UBE2K: variants seen among roughly 807,000 people sequenced by gnomAD.
UBE2K encodes the protein ubiquitin conjugating enzyme E2 K.
UBE2K carries 6 observed loss-of-function variants against 30.0 expected under a neutral mutation model. The observed-to-expected ratio is 0.20, with a 90% confidence interval of 0.11 to 0.39. The LOEUF is 0.39. Ranked by LOEUF, UBE2K falls within the 10% of genes least tolerant of loss-of-function variation. The probability of loss-of-function intolerance (pLI) is 1.00; values close to 1 mark genes in which losing one functional copy is unlikely to be tolerated. For missense variants in UBE2K, 61 were observed against 241.6 expected (o/e 0.25, Z 4.96); for synonymous variants, 86 against 83.7 (o/e 1.03, Z -0.15).
chr4:39,774,082 A>G (rs1210865926), intron 4 of UBE2K, among the ~76,000 whole-genome samples: 1 of 152,008 alleles, frequency 6.6e-6, no homozygotes, highest in Admixed American at 6.5e-5. Flanking sequence ...GGATCACCTG[A>G]GCTCAGAAGT....
At chr4:39,736,422 A>T (rs917625267) in intron 1 of UBE2K, among the ~76,000 whole-genome samples, 1 of 152,212 alleles carries the variant, frequency 6.6e-6, no homozygotes, top group Admixed American at 6.5e-5. Context: ...AGATCGTGCC[A>T]TCGCACTCCA....
intron 1 of UBE2K, among the ~76,000 whole-genome samples, chr4:39,727,935 G>T (rs1231112141): frequency 6.6e-6 from 1 of 151,962 alleles, no homozygotes; most frequent in African/African-American, 2.4e-5. Context: ...TTCGAGACCA[G>T]CCTGGCCAAT....
At chr4:39,764,842 TAGAC>T (rs770952605) in intron 4 of UBE2K, among the ~76,000 whole-genome samples, 8 of 151,996 alleles carry the variant, frequency 5.3e-5, no homozygotes, top group South Asian at 2.1e-4. Flanking sequence ...ATAGAGGAAA[TAGAC>T]AGTATTTATA....
chr4:39,733,051 GAA>G (rs59978380), intron 1 of UBE2K, among the ~76,000 whole-genome samples: 60,852 of 97,008 alleles, frequency 0.63, 17,931 homozygotes, highest in East Asian at 0.78. Flanking sequence ...GGAACATCAG[GAA>G]AAAAAAAAAA....
At chr4:39,766,575 C>T (rs1048401162) in intron 4 of UBE2K, among the ~76,000 whole-genome samples, 1 of 151,650 alleles carries the variant, frequency 6.6e-6, no homozygotes, top group Non-Finnish European at 1.5e-5. Flanking sequence ...TCCTGCAACA[C>T]AGAAGTTTTT....
rs1713513690 is a variant in UBE2K, at chr4:39,779,912, T to G, written c.*1478T>G. ...TAATCGTTAAATGTTTGGAAGATAATTTTTGAATCATAACGTCAGCATAAC... is the reference window on the plus strand; with the variant it reads ...TAATCGTTAAATGTTTGGAAGATAAGTTTTGAATCATAACGTCAGCATAAC... On this transcript the variant is annotated 3_prime_UTR_variant, in exon 7 of 7. Coordinates refer to ENST00000261427, the MANE Select transcript of UBE2K (RefSeq NM_005339.5). The G allele has an allele frequency of 6.6e-6, 1 of 152,314 alleles. No individual in the cohort carries two copies. Among genetic ancestry groups the G allele is most frequent in the Admixed American group, 6.5e-5 (1 of 15,298 alleles). 9.4% of individuals were successfully genotyped at this position (152,314 alleles called of 1,614,324 possible).
At chr4:39,730,870 C>T (rs1482587850) in intron 1 of UBE2K, among the ~76,000 whole-genome samples, 1 of 136,302 alleles carries the variant, frequency 7.3e-6, no homozygotes, top group African/African-American at 2.8e-5. Flanking sequence ...AGTGCAGTGG[C>T]GTGATCTCTG....
chr4:39,768,582 A>G (rs1184944998), intron 4 of UBE2K, among the ~76,000 whole-genome samples: 1 of 152,130 alleles, frequency 6.6e-6, no homozygotes, highest in African/African-American at 2.4e-5. Context: ...AGGTTTCACC[A>G]TCTTGCCCAG....
At chr4:39,773,065 C>T (rs1272549793) in intron 4 of UBE2K, among the ~76,000 whole-genome samples, 1 of 152,074 alleles carries the variant, frequency 6.6e-6, no homozygotes, top group Non-Finnish European at 1.5e-5. Flanking sequence ...CAAATATTAG[C>T]TTTATAAAGA....
rs1189444955 is a variant in UBE2K at position 39,745,906 on chromosome 4, A to T, written c.216+96A>T. 4.4e-6 allele frequency: 4 copies of T among 900,016 alleles called. No homozygotes were observed. The East Asian group carries it at 1.2e-4, about 27-fold the overall frequency. The allele number at this position is 900,016 out of a possible 1,614,324, so 55.8% of individuals were successfully genotyped here. On this transcript the variant is annotated intron_variant, in intron 3 of 6. Coordinates refer to ENST00000261427, the MANE Select transcript of UBE2K (RefSeq NM_005339.5). Reference sequence around the variant, plus strand: ...ATATTTTAGGGCTTATTAAAGTCACAGCTTTATGAATTGCTTACTGTGTAA... The same window carrying T: ...ATATTTTAGGGCTTATTAAAGTCACTGCTTTATGAATTGCTTACTGTGTAA...
chr4:39,770,808 T>C (rs1243118295), intron 4 of UBE2K: 2 of 1,555,836 alleles, frequency 1.3e-6, no homozygotes, highest in African/African-American at 1.4e-5. Flanking sequence ...CGACTCCACC[T>C]TGACGATGCA....
At chr4:39,765,934 T>TACATACATACATACAC (rs1712298122) in intron 4 of UBE2K, among the ~76,000 whole-genome samples, 2 of 151,776 alleles carry the variant, frequency 1.3e-5, no homozygotes, top group African/African-American at 4.8e-5. Context: ...CATACATACA[T>TACATACATACATACAC]ACATACACAC....
chr4:39,742,820 C>T (rs1468345323), intron 2 of UBE2K, among the ~76,000 whole-genome samples: 2 of 151,894 alleles, frequency 1.3e-5, no homozygotes, highest in African/African-American at 2.4e-5. Flanking sequence ...CTGAGGCAGG[C>T]GGATCACCTG....
intron 5 of UBE2K, 78 bp downstream of exon 5, chr4:39,775,011 C>A: frequency 1.3e-6 from 1 of 793,698 alleles, no homozygotes; most frequent in Non-Finnish European, 1.9e-6. Flanking sequence ...CACATTAACA[C>A]ATGAGCATAC....
chr4:39,769,724 TGGGCAGG>T (rs1712627889), intron 4 of UBE2K, among the ~76,000 whole-genome samples: 1 of 108,728 alleles, frequency 9.2e-6, no homozygotes, highest in South Asian at 3.2e-4. Flanking sequence ...AACCTTCCCC[TGGGCAGG>T]CTTAGCCAGG....
At chr4:39,730,896 G>A (rs1431730559) in intron 1 of UBE2K, among the ~76,000 whole-genome samples, 1 of 140,746 alleles carries the variant, frequency 7.1e-6, no homozygotes, top group Non-Finnish European at 1.5e-5. Flanking sequence ...TGCAACCTCC[G>A]CCTCTCGGGT....
intron 1 of UBE2K, among the ~76,000 whole-genome samples, chr4:39,719,695 G>C (rs905707433): frequency 6.6e-6 from 1 of 152,124 alleles, no homozygotes; most frequent in Non-Finnish European, 1.5e-5. Context: ...ATCTTACTTG[G>C]TTTTGTCATA....
chr4:39,770,369 A>G, intron 4 of UBE2K: 1 of 1,613,444 alleles, frequency 6.2e-7, no homozygotes, highest in Non-Finnish European at 8.5e-7. Context: ...ACTCCTTGCC[A>G]CAGCGAGGGC....
chr4:39,762,302 T>C (rs1179674347), intron 4 of UBE2K, among the ~76,000 whole-genome samples: 1 of 152,158 alleles, frequency 6.6e-6, no homozygotes, highest in African/African-American at 2.4e-5. Context: ...CCTCAAGTGA[T>C]CCTTCCACCT....
Sources: allele counts gnomAD v4.1 joint callset (sites outside exome capture counted in the v4.1 genomes callset), GRCh38; gene constraint gnomAD v4.1.1; transcripts MANE v1.5; gene names NCBI Gene and HGNC (gene_info 2026-07-23, HGNC 2026-07-21).